The following MCPH1 variants were observed in gnomAD, a reference collection of about 807,000 sequenced individuals.
MCPH1 encodes the protein microcephalin.
In MCPH1, 104 loss-of-function variants were observed where a neutral mutation model predicts 84.5. The ratio of observed to expected loss-of-function variants is 1.23; its 90% CI spans 1.05 to 1.45. The LOEUF (loss-of-function observed/expected upper bound fraction) is 1.45. MCPH1 is among the 40% of genes most tolerant of loss of function. The pLI is 0.00. For missense variants in MCPH1, 1,498 were observed against 1,005.7 expected (o/e 1.49, Z -6.62); for synonymous variants, 514 against 366.8 (o/e 1.40, Z -4.58).
At chr8:6,626,741 AC>A in intron 13 of MCPH1, 1 of 985,338 alleles carries the variant, frequency 1.0e-6, no homozygotes. Context: ...GGTGAGGATC[AC>A]AAGCCCTTGG....
intron 9 of MCPH1, among the ~76,000 whole-genome samples, chr8:6,473,071 T>A (rs1050493492): frequency 6.6e-6 from 1 of 152,174 alleles, no homozygotes; most frequent in African/African-American, 2.4e-5. Context: ...ATCTTTGGAA[T>A]CTAAGCCAAT....
chr8:6,446,259 G>A (rs2129555879), intron 8 of MCPH1: 2 of 980,690 alleles, frequency 2.0e-6, no homozygotes, highest in South Asian at 4.7e-5. Flanking sequence ...AGCACAAATA[G>A]GTTCCAGCAA....
In MCPH1 at chr8:6,487,150, T is replaced by C. The variant is rs986707814; in HGVS notation, c.2136+6274T>C. Reference sequence around the variant, plus strand: ...TAGAGATTTAAAGCTAATTCACTTATAAATACAAGTGTAGGGCTTAAAAGC... The same window carrying C: ...TAGAGATTTAAAGCTAATTCACTTACAAATACAAGTGTAGGGCTTAAAAGC... On this transcript the variant is annotated intron_variant, in intron 11 of 13. Coordinates refer to ENST00000344683, the MANE Select transcript of MCPH1 (RefSeq NM_024596.5). Among the ~76,000 whole-genome samples the C allele has an allele frequency of 2.6e-5, 4 of 152,376 alleles. No homozygotes were observed. The East Asian group carries it at 5.8e-4, about 22-fold the overall frequency.
chr8:6,502,049 G>C (rs1812300224), intron 12 of MCPH1: 3 of 151,310 alleles, frequency 2.0e-5, no homozygotes. Flanking sequence ...TTCTTAAATA[G>C]AAGGCTTTTC....
intron 13 of MCPH1, among the ~76,000 whole-genome samples, chr8:6,636,992 C>T (rs77912324): frequency 0.042 from 6,402 of 152,214 alleles, 158 homozygotes; most frequent in East Asian, 0.1. Context: ...GAAGTATCAG[C>T]GATGTGAATG....
chr8:6,432,774 C>G (rs1414579770), intron 4 of MCPH1, among the ~76,000 whole-genome samples: 2 of 152,222 alleles, frequency 1.3e-5, no homozygotes, highest in African/African-American at 4.8e-5. Context: ...GATAGATGAA[C>G]TTCTTCAGTC....
intron 12 of MCPH1, among the ~76,000 whole-genome samples, chr8:6,510,317 C>G (rs6559166): frequency 0.068 from 10,375 of 152,140 alleles, 449 homozygotes; most frequent in African/African-American, 0.12. Flanking sequence ...AACAGGCACA[C>G]GAAGACCCAG....
intron 10 of MCPH1, among the ~76,000 whole-genome samples, chr8:6,477,964 A>G (rs1808702786): frequency 6.6e-6 from 1 of 152,232 alleles, no homozygotes; most frequent in African/African-American, 2.4e-5. Flanking sequence ...TTAAAGCAAT[A>G]CTGCAGCAGA....
intron 9 of MCPH1, chr8:6,474,437 C>T (rs1407316468): frequency 4.7e-6 from 1 of 213,040 alleles, no homozygotes; most frequent in African/African-American, 2.3e-5. Flanking sequence ...AAGACTTTAA[C>T]ATGCAATGGG....
chr8:6,626,722 C>T (rs981351976), intron 13 of MCPH1: 43 of 985,196 alleles, frequency 4.4e-5, no homozygotes, highest in South Asian at 1.4e-4. Flanking sequence ...TCTGAAGGAA[C>T]TTGGCTGGGG....
chr8:6,422,293 A>C (rs956794300), intron 3 of MCPH1, among the ~76,000 whole-genome samples: 2 of 152,232 alleles, frequency 1.3e-5, no homozygotes, highest in African/African-American at 4.8e-5. Flanking sequence ...AAATTTAGTT[A>C]AGTGGCGTAG....
At chr8:6,593,507 A>C (rs1828682073) in intron 12 of MCPH1, among the ~76,000 whole-genome samples, 1 of 152,134 alleles carries the variant, frequency 6.6e-6, no homozygotes, top group Non-Finnish European at 1.5e-5. Context: ...GGCACACGCC[A>C]CCACGCCTGG....
intron 12 of MCPH1, among the ~76,000 whole-genome samples, chr8:6,611,899 TGAGC>T (rs1830310561): frequency 6.6e-6 from 1 of 152,208 alleles, no homozygotes; most frequent in African/African-American, 2.4e-5. Flanking sequence ...ATTACAGGCG[TGAGC>T]CACCGCGCCC....
intron 9 of MCPH1, among the ~76,000 whole-genome samples, chr8:6,457,813 C>T (rs1335093325): frequency 6.6e-6 from 1 of 152,102 alleles, no homozygotes; most frequent in African/African-American, 2.4e-5. Context: ...TCTTCCTAAT[C>T]CAGTCCTTAT....
intron 3 of MCPH1, 64 bp downstream of exon 3, chr8:6,414,947 T>C: frequency 1.3e-6 from 2 of 1,555,462 alleles, no homozygotes; most frequent in Non-Finnish European, 1.8e-6. Flanking sequence ...GTGGAGATAT[T>C]TTTCACAGAT....
chr8:6,632,547 T>A (rs115434122), intron 13 of MCPH1, among the ~76,000 whole-genome samples: 1 of 152,326 alleles, frequency 6.6e-6, no homozygotes, highest in African/African-American at 2.4e-5. Flanking sequence ...CAGTGACTCA[T>A]GCCTGTAATC....
Position 6,622,000 on chromosome 8 carries a change from C to T in MCPH1, c.2452+309C>T, listed in dbSNP as rs539198937. ...CGGGCCACCCCTGTGGGCACAGACT[C>T]TCCGGGCACCCCTCTTAGACCCTCC... On this transcript the variant is annotated intron_variant, in intron 13 of 13. Coordinates refer to ENST00000344683, the MANE Select transcript of MCPH1 (RefSeq NM_024596.5). 251 of 425,880 alleles carry T rather than the reference C, an allele frequency of 5.9e-4. 3 individuals carry two copies. The highest frequency in any genetic ancestry group is 3.8e-3 in the South Asian group (217 of 57,104). The allele number at this position is 425,880 out of a possible 1,614,324, so 26.4% of individuals were successfully genotyped here.
At chr8:6,541,298 G>C (rs528495183) in intron 12 of MCPH1, among the ~76,000 whole-genome samples, 19 of 152,188 alleles carry the variant, frequency 1.2e-4, no homozygotes, top group Non-Finnish European at 2.6e-4. Context: ...CCCACCCCAA[G>C]TCTCATGGGC....
Position 6,643,103 on chromosome 8 carries a change from G to C in MCPH1, c.*54G>C, listed in dbSNP as rs1187612953. On this transcript the variant is annotated 3_prime_UTR_variant, in exon 14 of 14. Transcript: ENST00000344683. ...CACACAGCTCGCAAAACTGTCTTTG[G>C]ATGTTCAAATGAGAAACAAAACTGT... is the stretch of plus-strand genomic sequence containing the variant. The C allele has an allele frequency of 1.1e-5, 17 of 1,484,128 alleles. No homozygotes were observed. The East Asian group carries it at 3.4e-4, about 30-fold the overall frequency. The allele number at this position is 1,484,128 out of a possible 1,614,324, so 91.9% of individuals were successfully genotyped here. A position where few individuals can be genotyped will look rare whatever the true frequency, so the allele number is the denominator to read the frequency against.
Sources: allele counts gnomAD v4.1 joint callset (sites outside exome capture counted in the v4.1 genomes callset), GRCh38; gene constraint gnomAD v4.1.1; transcripts MANE v1.5; gene names NCBI Gene and HGNC (gene_info 2026-07-23, HGNC 2026-07-21).